Variants in SPATA18 observed in about 807,000 individuals in gnomAD.
SPATA18 encodes spermatogenesis associated 18.
In SPATA18, 54 loss-of-function variants were observed where a neutral mutation model predicts 68.1. The observed-to-expected ratio is 0.79, with a 90% CI of 0.64 to 0.99. SPATA18 has a LOEUF of 0.99. SPATA18 is among the 50% of genes least tolerant of loss of function. The pLI, the probability that SPATA18 is intolerant of heterozygous loss-of-function variation, is 0.00. For missense variants in SPATA18, 724 were observed against 681.1 expected, an observed-to-expected ratio of 1.06 and a Z score of -0.70; for synonymous variants, 242 against 244.8, an observed-to-expected ratio of 0.99 and a Z score of 0.11.
At chr4:52,070,041 TA>T (rs869174660) in intron 5 of SPATA18, 125 bp downstream of exon 5, 1 of 128,356 alleles carries the variant, frequency 7.8e-6, no homozygotes. Flanking sequence ...TTTTATTAAT[TA>T]TATATATATA....
intron 10 of SPATA18, chr4:52,082,788 A>G (rs1741058753): frequency 8.1e-7 from 1 of 1,236,880 alleles, no homozygotes; most frequent in Non-Finnish European, 1.0e-6. Flanking sequence ...TTATTATAAT[A>G]TTTTAAAAAC....
rs1737866482 is a variant in SPATA18 at position 52,051,517 on chromosome 4, C to T, written c.-188C>T. ...GGCGCGGCGGCTGCGGCCCAGGGCA[C>T]CTCCCCTCTGGCTTCCCGAACCCGG... On this transcript the variant is annotated 5_prime_UTR_variant, in exon 1 of 13. Transcript: ENST00000295213. The T allele has an allele frequency of 3.3e-6, 2 of 611,872 alleles. No homozygotes were observed. Among genetic ancestry groups the T allele is most frequent in the Non-Finnish European group, 5.8e-6 (2 of 346,990 alleles). The allele number at this position is 611,872 out of a possible 1,614,324, so 37.9% of individuals were successfully genotyped here.
chr4:52,073,289 T>C (rs1323725126), intron 6 of SPATA18, among the ~76,000 whole-genome samples: 1 of 152,226 alleles, frequency 6.6e-6, no homozygotes, highest in Non-Finnish European at 1.5e-5. Context: ...AGTTTTGCAA[T>C]ACCTTTTGCC....
intron 5 of SPATA18, among the ~76,000 whole-genome samples, chr4:52,070,861 C>T (rs908358141): frequency 3.4e-5 from 5 of 147,796 alleles, no homozygotes; most frequent in Non-Finnish European, 7.4e-5. Context: ...TTTTGATCTC[C>T]CCCTCCCAAA....
chr4:52,051,899 C>T (rs1383847128), intron 1 of SPATA18, 108 bp downstream of exon 1: 15 of 1,016,472 alleles, frequency 1.5e-5, no homozygotes, highest in Non-Finnish European at 2.0e-5. Flanking sequence ...GCAAAGCCTC[C>T]GCGGTTGCGA....
intron 4 of SPATA18, among the ~76,000 whole-genome samples, chr4:52,069,043 A>G (rs991724590): frequency 2.6e-5 from 4 of 151,910 alleles, no homozygotes; most frequent in Admixed American, 2.6e-4. Flanking sequence ...TTATTTATCT[A>G]TTTTTTATAG....
intron 5 of SPATA18, 63 bp from the exon 6 acceptor site, chr4:52,071,854 C>G: frequency 6.5e-7 from 1 of 1,530,292 alleles, no homozygotes; most frequent in Non-Finnish European, 8.9e-7. Flanking sequence ...ACCTTTCCTT[C>G]CTTCCTTCAC....
chr4:52,066,793 T>G (rs1038244223), intron 4 of SPATA18, among the ~76,000 whole-genome samples: 1 of 152,202 alleles, frequency 6.6e-6, no homozygotes, highest in Non-Finnish European at 1.5e-5. Context: ...CTGAAGATAA[T>G]GGCTTCTAGC....
At chr4:52,055,052 A>G (rs1738219473) in intron 1 of SPATA18, among the ~76,000 whole-genome samples, 1 of 152,066 alleles carries the variant, frequency 6.6e-6, no homozygotes. Context: ...TTTTGCCTGT[A>G]ACAGAACTAG....
At position 52,094,890 on chromosome 4, in the gene SPATA18, G is replaced by C. The variant is rs762329726; in HGVS notation, c.*3G>C. On this transcript the variant is annotated 3_prime_UTR_variant, in exon 13 of 13. Transcript: ENST00000295213. ...TATTTTTCTCCCTAGGATTTTAAAA[G>C]CACCAGACCTGCTCCTTTGACCCAG... 9.3e-6 allele frequency: 15 copies of C among 1,613,896 alleles called. No individual in the cohort carries two copies. The highest frequency in any genetic ancestry group is 1.3e-5 in the African/African-American group (1 of 74,916).
chr4:52,077,667 A>C (rs1228554256), intron 7 of SPATA18, among the ~76,000 whole-genome samples: 1 of 152,134 alleles, frequency 6.6e-6, no homozygotes, highest in Non-Finnish European at 1.5e-5. Flanking sequence ...TGGATATATT[A>C]TTGCTAATGG....
rs367871723 is a variant in SPATA18 at position 52,069,833 on chromosome 4, T to C, written c.435T>C (p.Thr145=). 1.0e-5 allele frequency: 16 copies of C among 1,576,098 alleles called. No homozygotes were observed. Among genetic ancestry groups the C allele is most frequent in the Non-Finnish European group, 1.4e-5 (16 of 1,156,860 alleles). ...CNQVQDDLVE[T]EKNLEESKNR... is the part of the protein sequence containing the mutation. ...ATTTATCTTACAGTCTGGTTGAAACTGAAAAGAATCTTGAAGAAAGCAAGA... is the reference window on the plus strand; with the variant it reads ...ATTTATCTTACAGTCTGGTTGAAACCGAAAAGAATCTTGAAGAAAGCAAGA... The change falls in exon 5 of 13, where the codon ACT becomes ACC. Residue 145 remains threonine, a synonymous_variant. Transcript: ENST00000295213.
chr4:52,069,738 AGTTC>A, intron 4 of SPATA18, 79 bp from the exon 5 acceptor site: 8 of 907,816 alleles, frequency 8.8e-6, no homozygotes, highest in Non-Finnish European at 1.3e-5. Flanking sequence ...ATATACCAGA[AGTTC>A]CTAAGTGAGC....
intron 1 of SPATA18, among the ~76,000 whole-genome samples, chr4:52,057,432 C>T (rs1738447465): frequency 6.6e-6 from 1 of 152,158 alleles, no homozygotes; most frequent in African/African-American, 2.4e-5. Context: ...CATGTTGTAA[C>T]ATGTCTTGGG....
intron 11 of SPATA18, among the ~76,000 whole-genome samples, chr4:52,093,505 C>T (rs570270017): frequency 6.6e-6 from 1 of 152,214 alleles, no homozygotes; most frequent in South Asian, 2.1e-4. Flanking sequence ...GCATCATTAT[C>T]TTTTTTCATG....
rs1363172875 is a variant in SPATA18 at position 52,051,803 on chromosome 4, T to G, written c.87+12T>G. ...TGAAGGAGTACAACGTGAGTCTGGG[T>G]GAAAAACCCCCGGGGTTCGCCCTCC... On this transcript the variant is annotated intron_variant, in intron 1 of 12. Coordinates refer to ENST00000295213, the MANE Select transcript of SPATA18 (RefSeq NM_145263.4). The G allele has an allele frequency of 2.5e-6, 4 of 1,611,520 alleles. No individual in the cohort carries two copies. The highest frequency in any genetic ancestry group is 3.4e-6 in the Non-Finnish European group (4 of 1,178,786).
At chr4:52,059,747 A>G (rs1223698369) in intron 1 of SPATA18, among the ~76,000 whole-genome samples, 1 of 152,228 alleles carries the variant, frequency 6.6e-6, no homozygotes, top group Non-Finnish European at 1.5e-5. Flanking sequence ...CAAGTCCCTT[A>G]TATCCTCAAC....
intron 6 of SPATA18, 78 bp from the exon 7 acceptor site, chr4:52,076,701 A>T: frequency 6.3e-7 from 1 of 1,577,994 alleles, no homozygotes; most frequent in Non-Finnish European, 8.6e-7. Flanking sequence ...GGTCGGATTC[A>T]TTGGCCACCA....
At chr4:52,071,807 T>A (rs1341199239) in intron 5 of SPATA18, 110 bp from the exon 6 acceptor site, 1 of 1,051,626 alleles carries the variant, frequency 9.5e-7, no homozygotes, top group Non-Finnish European at 1.4e-6. Context: ...GCAGGCTGAG[T>A]AGCCTCTGTT....
Sources: gnomAD v4.1 joint callset for allele counts (sites outside exome capture counted in the v4.1 genomes callset) on GRCh38, gnomAD v4.1.1 for gene constraint, MANE v1.5 for transcripts, NCBI Gene and HGNC (gene_info 2026-07-23, HGNC 2026-07-21) for gene names.